The following PEX1 variants were observed in gnomAD, a reference collection of about 807,000 sequenced individuals.
PEX1 encodes peroxisomal ATPase PEX1.
A neutral mutation model predicts 152.5 loss-of-function variants in PEX1; 97 were observed. The observed-to-expected ratio is 0.64, with a 90% CI of 0.54 to 0.75. PEX1 has a LOEUF of 0.75. Among genes scored for constraint, PEX1 ranks in the 30% least tolerant of loss-of-function variants. PEX1 has a pLI of 0.00. For synonymous variants in PEX1, 485 were observed against 531.6 expected (o/e 0.91, Z 1.21); for missense variants, 1,357 against 1,516.3 (o/e 0.89, Z 1.74).
intron 8 of PEX1, among the ~76,000 whole-genome samples, chr7:92,510,706 C>T (rs1792422535): frequency 6.6e-6 from 1 of 152,058 alleles, no homozygotes; most frequent in South Asian, 2.1e-4. Flanking sequence ...ATGATCAACT[C>T]TATTCTTGGA....
chr7:92,528,135 G>A lies in PEX1; in HGVS notation c.129+172C>T, dbSNP rs566859714. Among the ~76,000 whole-genome samples, 7 of 152,260 alleles carry A rather than the reference G, an allele frequency of 4.6e-5. No individual in the cohort carries two copies. In the East Asian group the frequency reaches 1.3e-3, roughly 29 times the overall value. Reference sequence around the variant, plus strand: ...GATAAGACGAGCCCAGGGCTGCACTGGACTTGTGGGATCCAGAGACTACCC... The same window carrying A: ...GATAAGACGAGCCCAGGGCTGCACTAGACTTGTGGGATCCAGAGACTACCC... On this transcript the variant is annotated intron_variant, in intron 1 of 23. Transcript: ENST00000248633.
intron 18 of PEX1, 34 bp from the exon 19 acceptor site, chr7:92,494,430 CTGATGACA>C (rs1562848152): frequency 3.7e-6 from 6 of 1,611,826 alleles, no homozygotes; most frequent in Non-Finnish European, 4.2e-6. Context: ...TTACCAAAAT[CTGATGACA>C]TGATGACATT....
chr7:92,500,075 T>C (rs1702736675), intron 15 of PEX1, among the ~76,000 whole-genome samples: 1 of 152,220 alleles, frequency 6.6e-6, no homozygotes, highest in Non-Finnish European at 1.5e-5. Flanking sequence ...AAAATGCATA[T>C]AACTGCATCA....
chr7:92,518,314 T>G, intron 3 of PEX1, 59 bp from the exon 4 acceptor site: 1 of 1,056,280 alleles, frequency 9.5e-7, no homozygotes, highest in South Asian at 1.3e-5. Flanking sequence ...CCATATCTAG[T>G]TAAAAAAAAT....
At chr7:92,526,006 T>C (rs1189222486) in intron 1 of PEX1, among the ~76,000 whole-genome samples, 1 of 152,096 alleles carries the variant, frequency 6.6e-6, no homozygotes, top group Admixed American at 6.5e-5. Flanking sequence ...GGAGATTGGT[T>C]ATAGAAGAAA....
At chr7:92,502,966 G>GA in intron 13 of PEX1, 75 bp downstream of exon 13, 1 of 1,269,194 alleles carries the variant, frequency 7.9e-7, no homozygotes, top group Non-Finnish European at 1.1e-6. Context: ...TTAAAGCCAC[G>GA]AATTACTAAT....
Position 92,506,974 on chromosome 7 carries a change from A to C in PEX1, c.1803+20T>G, listed in dbSNP as rs771043177. The stretch of plus-strand genomic sequence containing the variant: ...AGTTATTAAATGTTACAGAAAAATG[A>C]ACACACCTTAACCACTTACCTTTCC... On this transcript the variant is annotated intron_variant, in intron 10 of 23. Transcript: ENST00000248633. 4 of 1,612,964 alleles carry C rather than the reference A, an allele frequency of 2.5e-6. No individual in the cohort carries two copies. The highest frequency in any genetic ancestry group is 3.4e-6 in the Non-Finnish European group (4 of 1,178,946).
chr7:92,509,249 T>G, intron 9 of PEX1, 80 bp downstream of exon 9: 1 of 926,586 alleles, frequency 1.1e-6, no homozygotes, highest in Non-Finnish European at 1.8e-6. Flanking sequence ...TAACATCTAC[T>G]TTAATATTTA....
chr7:92,498,468 G>A (rs181188208), intron 16 of PEX1, among the ~76,000 whole-genome samples: 20 of 152,314 alleles, frequency 1.3e-4, no homozygotes, highest in African/African-American at 4.8e-4. Flanking sequence ...CTGGCCAATA[G>A]AGTGAGACTC....
chr7:92,487,511 T>A lies in PEX1; in HGVS notation c.3798A>T (p.Arg1266Ser). 2 of 1,592,538 alleles carry A rather than the reference T, an allele frequency of 1.3e-6. No homozygotes were observed. The highest frequency in any genetic ancestry group is 1.7e-6 in the Non-Finnish European group (2 of 1,162,624). ...GAAACATTGTTCCACTTTGATTTTT[T>A]CTCCTCTTTGGATTTTGAAAGCTTT... Reference protein sequence around the residue: ...LYESFQNPKRRKNQSGTMFRP... With the variant: ...LYESFQNPKRSKNQSGTMFRP... Residue 1266 changes from arginine (R) to serine (S), a missense_variant, in exon 24 of 24, where the codon AGA becomes AGT. Arg to Ser is a moderately radical substitution (Grantham distance 110). Transcript: ENST00000248633.
intron 15 of PEX1, among the ~76,000 whole-genome samples, chr7:92,501,035 A>G (rs1666934378): frequency 1.3e-5 from 2 of 152,270 alleles, no homozygotes; most frequent in Non-Finnish European, 1.5e-5. Context: ...AAACAGAATT[A>G]TACATCAAAA....
chr7:92,505,043 CA>C (rs1227147795), intron 11 of PEX1, 141 bp from the exon 12 acceptor site: 2 of 671,078 alleles, frequency 3.0e-6, no homozygotes, highest in Admixed American at 2.4e-5. Flanking sequence ...ATACCCATCA[CA>C]AAAACTTGTT....
chr7:92,500,692 GT>G (rs71962773), intron 15 of PEX1, among the ~76,000 whole-genome samples: 11,669 of 151,944 alleles, frequency 0.077, 482 homozygotes, highest in Non-Finnish European at 0.086. Flanking sequence ...CCTTAACCCA[GT>G]TTTTTTTCTC....
intron 5 of PEX1, among the ~76,000 whole-genome samples, chr7:92,516,055 A>AGAAAG (rs1321793051): frequency 4.7e-5 from 4 of 85,792 alleles, no homozygotes; most frequent in African/African-American, 1.8e-4. Flanking sequence ...AGAGAAGAGA[A>AGAAAG]AAAAGAAAAG....
chr7:92,500,585 C>G (rs1380060197), intron 15 of PEX1, among the ~76,000 whole-genome samples: 1 of 152,212 alleles, frequency 6.6e-6, no homozygotes, highest in Non-Finnish European at 1.5e-5. Flanking sequence ...CTTCCATACC[C>G]ATGTTCTCTC....
chr7:92,506,407 T>C (rs1199766867), intron 10 of PEX1, 63 bp from the exon 11 acceptor site: 10 of 1,031,578 alleles, frequency 9.7e-6, no homozygotes, highest in Admixed American at 8.5e-5. Flanking sequence ...GTTCCTGTCA[T>C]TGTGGCAACC....
chr7:92,526,724 A>G (rs1443350137), intron 1 of PEX1, among the ~76,000 whole-genome samples: 1 of 152,080 alleles, frequency 6.6e-6, no homozygotes, highest in Non-Finnish European at 1.5e-5. Context: ...ACAAAATAAA[A>G]CACTCATAAT....
chr7:92,523,972 G>A (rs1407445931), intron 1 of PEX1, among the ~76,000 whole-genome samples: 1 of 152,164 alleles, frequency 6.6e-6, no homozygotes, highest in East Asian at 1.9e-4. Context: ...ACTGAGACAG[G>A]AGGATTGTTT....
chr7:92,497,850 A>T (rs1232846758), intron 16 of PEX1, among the ~76,000 whole-genome samples: 60 of 151,986 alleles, frequency 3.9e-4, no homozygotes, highest in Admixed American at 3.9e-3. Flanking sequence ...CTGGTGGATC[A>T]TGAGGTCAGG....
Sources: gnomAD v4.1 joint callset for allele counts (sites outside exome capture counted in the v4.1 genomes callset) on GRCh38, gnomAD v4.1.1 for gene constraint, MANE v1.5 for transcripts, NCBI Gene and HGNC (gene_info 2026-07-23, HGNC 2026-07-21) for gene names.